TPM1: variants seen among roughly 807,000 people sequenced by gnomAD.
TPM1 encodes tropomyosin 1.
Under a neutral mutation model 42.9 loss-of-function variants are expected in TPM1, and 24 were observed. That is an observed-to-expected ratio of 0.56 (90% CI 0.41 to 0.79). The LOEUF is 0.79. TPM1 is among the 30% of genes least tolerant of loss of function. The probability of loss-of-function intolerance (pLI) is 0.00; values close to 1 mark genes in which losing one functional copy is unlikely to be tolerated. For synonymous variants in TPM1, 136 were observed against 130.1 expected (o/e 1.05, Z -0.31); for missense variants, 158 against 351.8 (o/e 0.45, Z 4.41).
chr15:63,069,101 T>C (rs8042269), downstream of TPM1, among the ~76,000 whole-genome samples: 16,073 of 152,148 alleles, frequency 0.11, 1,157 homozygotes, highest in East Asian at 0.4. Context: ...TGCAGTGAGC[T>C]GAGATCACGC....
downstream of TPM1, among the ~76,000 whole-genome samples, chr15:63,066,618 T>A (rs1158252979): frequency 1.3e-5 from 2 of 152,356 alleles, no homozygotes. Flanking sequence ...GAAAAAGAAC[T>A]TGGATTCAAA....
chr15:63,055,883 A>G (rs1438670737), intron 2 of TPM1: 1 of 152,240 alleles, frequency 6.6e-6, no homozygotes, highest in Non-Finnish European at 1.5e-5. Context: ...ACAATTTCTT[A>G]TGACAGGAAA....
chr15:63,069,333 G>T (rs571795409), downstream of TPM1, among the ~76,000 whole-genome samples: 8 of 152,168 alleles, frequency 5.3e-5, no homozygotes, highest in Non-Finnish European at 1.2e-4. Flanking sequence ...AAAAATTTCA[G>T]TGCAGCAAAA....
At chr15:63,060,687 A>C (rs985913613) in intron 4 of TPM1, among the ~76,000 whole-genome samples, 182 bp from the exon 5 acceptor site, 10 of 152,152 alleles carry the variant, frequency 6.6e-5, no homozygotes, top group African/African-American at 1.7e-4. Flanking sequence ...GAAGCCTCTG[A>C]TCTCCTCTCT....
chr15:63,048,607 G>T, intron 2 of TPM1: 1 of 1,533,002 alleles, frequency 6.5e-7, no homozygotes, highest in Admixed American at 2.0e-5. Context: ...GAGGCGGTGC[G>T]CAGGAAGATC....
downstream of TPM1, chr15:63,069,850 C>A: frequency 6.2e-7 from 1 of 1,613,946 alleles, no homozygotes; most frequent in South Asian, 1.1e-5. Flanking sequence ...TTCTGCTAAC[C>A]TGCTTGCTGA....
At chr15:63,063,924 T>A in intron 8 of TPM1, 140 bp from the exon 9 acceptor site, 1 of 1,275,468 alleles carries the variant, frequency 7.8e-7, no homozygotes, top group Non-Finnish European at 1.1e-6. Context: ...ATTGGCCACC[T>A]GCTGCGGCAC....
intron 8 of TPM1, 87 bp downstream of exon 8, chr15:63,062,732 A>G (rs1274284758): frequency 1.2e-6 from 2 of 1,606,792 alleles, no homozygotes; most frequent in Non-Finnish European, 8.5e-7. Flanking sequence ...GGGCATCCAC[A>G]TTGATACGCT....
At chr15:63,055,978 T>C (rs1233682252) in intron 2 of TPM1, 1 of 152,250 alleles carries the variant, frequency 6.6e-6, no homozygotes, top group African/African-American at 2.4e-5. Flanking sequence ...TTTTTCTTTT[T>C]AGGAGTTTGA....
At chr15:63,054,379 A>G (rs970129096) in intron 2 of TPM1, 1 of 152,256 alleles carries the variant, frequency 6.6e-6, no homozygotes, top group African/African-American at 2.4e-5. Context: ...TAAGGGAAAG[A>G]ATGGGGGTGG....
At chr15:63,069,320 T>G (rs2036467953), downstream of TPM1, among the ~76,000 whole-genome samples, 1 of 152,072 alleles carries the variant, frequency 6.6e-6, no homozygotes, top group Non-Finnish European at 1.5e-5. Context: ...ATTCCAAATT[T>G]CAAAAAATTT....
At chr15:63,063,597 A>G (rs1479879295) in intron 8 of TPM1, among the ~76,000 whole-genome samples, 1 of 152,230 alleles carries the variant, frequency 6.6e-6, no homozygotes, top group Non-Finnish European at 1.5e-5. Context: ...GATAAGGACT[A>G]CAGGCTGTAG....
intron 8 of TPM1, chr15:63,063,377 A>T (rs2035904239): frequency 3.0e-6 from 3 of 985,334 alleles, no homozygotes; most frequent in Non-Finnish European, 3.6e-6. Context: ...GATCTGCCAA[A>T]GTGCAGCAAA....
chr15:63,063,068 T>C (rs1236389159), intron 8 of TPM1: 1 of 982,192 alleles, frequency 1.0e-6, no homozygotes, highest in African/African-American at 1.7e-5. Flanking sequence ...AGTAAGGATT[T>C]AGGGGTTATT....
At chr15:63,065,448 A>G (rs906639940) in intron 9 of TPM1, 14 of 985,414 alleles carry the variant, frequency 1.4e-5, no homozygotes, top group Non-Finnish European at 1.7e-5. Context: ...CCCCACAGTC[A>G]ACAAAAAAGC....
intron 5 of TPM1, chr15:63,061,224 TAAG>T (rs1376158377): frequency 6.2e-7 from 1 of 1,614,148 alleles, no homozygotes; most frequent in East Asian, 2.2e-5. Context: ...GAAGAACAAT[TAAG>T]AATAATGGAT....
chr15:63,052,028 A>G (rs59697296), intron 2 of TPM1, among the ~76,000 whole-genome samples: 2,843 of 151,962 alleles, frequency 0.019, 63 homozygotes, highest in African/African-American at 0.046. Flanking sequence ...GGTCATATGC[A>G]TTGTAAGGCA....
At chr15:63,063,367 G>A (rs2035902918) in intron 8 of TPM1, 1 of 985,444 alleles carries the variant, frequency 1.0e-6, no homozygotes. Context: ...GTTGCAAAAT[G>A]ATCTGCCAAA....
chr15:63,048,465 G>C, intron 2 of TPM1: 3 of 1,389,528 alleles, frequency 2.2e-6, no homozygotes, highest in Non-Finnish European at 1.8e-6. Context: ...AGAGAGGCCT[G>C]GGCGGGGCGG....
Sources: allele counts gnomAD v4.1 joint callset (sites outside exome capture counted in the v4.1 genomes callset), GRCh38; gene constraint gnomAD v4.1.1; transcripts MANE v1.5; gene names NCBI Gene and HGNC (gene_info 2026-07-23, HGNC 2026-07-21).